Variants in INTS4 observed in about 807,000 individuals in gnomAD.
INTS4 encodes integrator complex subunit 4.
Under a neutral mutation model 119.5 loss-of-function variants are expected in INTS4, and 70 were observed. That is an observed-to-expected ratio of 0.59 (90% CI 0.48 to 0.71). The LOEUF is 0.71. INTS4 is among the 30% of genes least tolerant of loss of function. The pLI, the probability that INTS4 is intolerant of heterozygous loss-of-function variation, is 0.00. For missense variants in INTS4, 867 were observed against 1,173.2 expected (o/e 0.74, Z 3.81); for synonymous variants, 316 against 419.6 (o/e 0.75, Z 3.02).
At chr11:77,885,603 G>T (rs1333775793) in intron 21 of INTS4, among the ~76,000 whole-genome samples, 1 of 151,990 alleles carries the variant, frequency 6.6e-6, no homozygotes, top group East Asian at 1.9e-4. Context: ...TGGATTACTT[G>T]AGGTCAGGAG....
At chr11:77,906,486 G>T (rs531831564) in intron 16 of INTS4, among the ~76,000 whole-genome samples, 1 of 152,224 alleles carries the variant, frequency 6.6e-6, no homozygotes, top group South Asian at 2.1e-4. Flanking sequence ...TCTTCTCCAT[G>T]GCCTCCTTGA....
At chr11:77,950,381 C>A (rs1954161189) in intron 8 of INTS4, among the ~76,000 whole-genome samples, 1 of 151,476 alleles carries the variant, frequency 6.6e-6, no homozygotes, top group Non-Finnish European at 1.5e-5. Flanking sequence ...AAATTGATAT[C>A]ATAGAGGCAG....
In INTS4 at chr11:77,918,689, A is replaced by T. The variant is rs951322789; in HGVS notation, c.1922+132T>A. 4 of 1,223,610 alleles carry T rather than the reference A, an allele frequency of 3.3e-6. No individual in the cohort carries two copies. In the African/African-American group the frequency reaches 6.1e-5, roughly 19 times the overall value. 75.8% of individuals were successfully genotyped at this position (1,223,610 alleles called of 1,614,324 possible). The stretch of plus-strand genomic sequence containing the variant: ...CACAATCTAATCCAAATATAAACAG[A>T]CCATAAAACCGTGTGTGAATGTAGA... On this transcript the variant is annotated intron_variant, in intron 15 of 22. Transcript: ENST00000534064.
chr11:77,877,126 T>C (rs1951620521), downstream of INTS4: 1 of 681,004 alleles, frequency 1.5e-6, no homozygotes, highest in Admixed American at 2.1e-5. Flanking sequence ...CATGACCTCG[T>C]GGAAATAGAC....
chr11:77,981,041 G>C (rs1856191840), intron 3 of INTS4, among the ~76,000 whole-genome samples: 1 of 151,954 alleles, frequency 6.6e-6, no homozygotes, highest in Non-Finnish European at 1.5e-5. Context: ...TTCAGTTACA[G>C]GTTTCAGTGT....
intron 12 of INTS4, among the ~76,000 whole-genome samples, chr11:77,924,042 G>C (rs548005237): frequency 6.7e-6 from 1 of 150,306 alleles, no homozygotes; most frequent in South Asian, 2.1e-4. Context: ...TGGGATTATA[G>C]GCGTGAGCCA....
At chr11:77,991,721 G>A (rs1268387547) in intron 1 of INTS4, among the ~76,000 whole-genome samples, 1 of 152,000 alleles carries the variant, frequency 6.6e-6, no homozygotes, top group African/African-American at 2.4e-5. Context: ...TATCTCTGAG[G>A]ATTGTGGTAG....
At chr11:77,897,230 A>C (rs1264253803) in intron 18 of INTS4, among the ~76,000 whole-genome samples, 1 of 151,924 alleles carries the variant, frequency 6.6e-6, no homozygotes, top group Non-Finnish European at 1.5e-5. Context: ...GTGGTGGCTC[A>C]CGTCTGTAAT....
At chr11:77,910,075 C>T (rs1953054377) in intron 15 of INTS4, among the ~76,000 whole-genome samples, 1 of 152,112 alleles carries the variant, frequency 6.6e-6, no homozygotes, top group South Asian at 2.1e-4. Context: ...TCATTTGACC[C>T]AGCCATCCCA....
Position 77,900,290 on chromosome 11 carries a change from A to G in INTS4, c.2228+1131T>C, listed in dbSNP as rs569451353. Among the ~76,000 whole-genome samples, 576 of 151,978 alleles carry G rather than the reference A, an allele frequency of 3.8e-3. 2 individuals carry two copies. Among genetic ancestry groups the G allele is most frequent in the African/African-American group, 7.8e-3 (324 of 41,466 alleles). ...AATTTTATGTATTTTTAGTAGAGAC[A>G]GGGTTTCACCATGTTAGCCAGGATG... On this transcript the variant is annotated intron_variant, in intron 18 of 22. Coordinates refer to ENST00000534064, the MANE Select transcript of INTS4 (RefSeq NM_033547.4).
chr11:77,944,463 T>C (rs1954001016), intron 8 of INTS4, among the ~76,000 whole-genome samples: 1 of 152,210 alleles, frequency 6.6e-6, no homozygotes, highest in African/African-American at 2.4e-5. Context: ...TAGTTACTCA[T>C]CCTTCAAAAC....
At chr11:77,885,346 G>C (rs1951959568) in intron 21 of INTS4, among the ~76,000 whole-genome samples, 1 of 151,940 alleles carries the variant, frequency 6.6e-6, no homozygotes, top group African/African-American at 2.4e-5. Flanking sequence ...CAAAGTGTTG[G>C]GATTACAGGC....
At chr11:77,909,108 C>T (rs1953031009) in intron 15 of INTS4, among the ~76,000 whole-genome samples, 1 of 152,150 alleles carries the variant, frequency 6.6e-6, no homozygotes, top group Admixed American at 6.5e-5. Flanking sequence ...CCGGACTGGG[C>T]AAGGATGTTT....
rs1952286310 is a variant in INTS4 at position 77,891,894 on chromosome 11, C to T, written c.2289-54G>A. On this transcript the variant is annotated intron_variant, in intron 19 of 22. Coordinates refer to ENST00000534064, the MANE Select transcript of INTS4 (RefSeq NM_033547.4). ...CATTCAACTGTGCACTCATTCACCACAGGCTGGGCCCCAGACACCTATCAA... is the reference window on the plus strand; with the variant it reads ...CATTCAACTGTGCACTCATTCACCATAGGCTGGGCCCCAGACACCTATCAA... 19 of 1,607,018 alleles carry T rather than the reference C, an allele frequency of 1.2e-5. No individual in the cohort carries two copies. In the South Asian group the frequency reaches 1.8e-4, roughly 15 times the overall value.
rs143416680 is a variant in INTS4 at position 77,945,633 on chromosome 11, G to A, written c.919-4382C>T. ...AGCCATCAAATAGACAGCTGGCAGC[G>A]CTTTACCCAACACCCCTGTTCCATA... On this transcript the variant is annotated intron_variant, in intron 8 of 22. Transcript: ENST00000534064. Among the ~76,000 whole-genome samples the A allele has an allele frequency of 1.1e-4, 16 of 152,228 alleles. No homozygotes were observed. The South Asian group carries it at 2.9e-3, about 28-fold the overall frequency.
chr11:77,941,365 G>C, intron 8 of INTS4, 114 bp from the exon 9 acceptor site: 1 of 1,176,146 alleles, frequency 8.5e-7, no homozygotes, highest in Non-Finnish European at 1.2e-6. Context: ...ATTCATGACA[G>C]TAAAGATGCT....
intron 22 of INTS4, among the ~76,000 whole-genome samples, chr11:77,881,284 T>A (rs1951782536): frequency 6.6e-6 from 1 of 152,190 alleles, no homozygotes; most frequent in Non-Finnish European, 1.5e-5. Context: ...TGAAACATGG[T>A]CTATGACTGA....
chr11:77,942,143 A>G (rs537681571), intron 8 of INTS4, among the ~76,000 whole-genome samples: 8 of 152,320 alleles, frequency 5.3e-5, no homozygotes, highest in African/African-American at 1.9e-4. Context: ...TACAAAAATA[A>G]AAAGACAACA....
chr11:77,955,556 C>T (rs559975568), intron 8 of INTS4, among the ~76,000 whole-genome samples: 53 of 150,484 alleles, frequency 3.5e-4, no homozygotes, highest in Admixed American at 1.7e-3. Context: ...AGTGCAGCAG[C>T]GTGATCTTGG....
Sources: gnomAD v4.1 joint callset for allele counts (sites outside exome capture counted in the v4.1 genomes callset) on GRCh38, gnomAD v4.1.1 for gene constraint, MANE v1.5 for transcripts, NCBI Gene and HGNC (gene_info 2026-07-23, HGNC 2026-07-21) for gene names.